PID1: variants seen among roughly 807,000 people sequenced by gnomAD.
The protein encoded by PID1 is phosphotyrosine interaction domain containing 1, also known as PTB-containing, cubilin and LRP1-interacting protein.
Under a neutral mutation model 19.1 loss-of-function variants are expected in PID1, and 10 were observed. The ratio of observed to expected loss-of-function variants is 0.52; its 90% CI spans 0.32 to 0.89. PID1 has a LOEUF of 0.89. PID1 is among the 40% of genes least tolerant of loss of function. The pLI is 0.03. For synonymous variants in PID1, 130 were observed against 116.0 expected (o/e 1.12, Z -0.78); for missense variants, 248 against 285.3 (o/e 0.87, Z 0.94).
At chr2:229,262,723 G>C in intron 1 of PID1, 1 of 1,551,494 alleles carries the variant, frequency 6.4e-7, no homozygotes. Flanking sequence ...AGGTTGGCAG[G>C]GCCACACACC....
chr2:229,189,088 G>A (rs142884090), intron 1 of PID1, among the ~76,000 whole-genome samples: 63 of 152,236 alleles, frequency 4.1e-4, no homozygotes, highest in African/African-American at 1.4e-3. Flanking sequence ...AGTTCTCTTC[G>A]TGTCTATTAA....
At chr2:229,153,825 C>A (rs541253378) in intron 2 of PID1, among the ~76,000 whole-genome samples, 1 of 152,212 alleles carries the variant, frequency 6.6e-6, no homozygotes, top group South Asian at 2.1e-4. Flanking sequence ...TTGCCCTTCC[C>A]GTTTTAAACA....
At chr2:229,163,816 T>C (rs527278723) in intron 1 of PID1, among the ~76,000 whole-genome samples, 75 of 152,348 alleles carry the variant, frequency 4.9e-4, no homozygotes, top group African/African-American at 1.8e-3. Flanking sequence ...TTTTGCTATA[T>C]GTAAACAGTT....
At chr2:229,265,431 G>C (rs936899647) in intron 1 of PID1, among the ~76,000 whole-genome samples, 9 of 152,240 alleles carry the variant, frequency 5.9e-5, no homozygotes, top group African/African-American at 1.9e-4. Context: ...GGCCTCAAGG[G>C]TTGGACCTGG....
At chr2:229,117,946 T>A (rs888787425) in intron 2 of PID1, among the ~76,000 whole-genome samples, 52 of 152,134 alleles carry the variant, frequency 3.4e-4, no homozygotes, top group African/African-American at 1.3e-3. Context: ...CAATCATTTA[T>A]CCTCATTGCA....
At chr2:229,054,704 G>T in intron 2 of PID1, among the ~76,000 whole-genome samples, 1 of 24,322 alleles carries the variant, frequency 4.1e-5, no homozygotes, top group Non-Finnish European at 8.3e-5. Context: ...CAGTAATGCA[G>T]TGTGTGTGTG....
chr2:229,246,727 G>C (rs891018083), intron 1 of PID1, among the ~76,000 whole-genome samples: 2 of 152,206 alleles, frequency 1.3e-5, no homozygotes, highest in Non-Finnish European at 2.9e-5. Flanking sequence ...TTCAACTGAA[G>C]CAAAATGTCT....
At chr2:229,077,024 C>T (rs543761692) in intron 2 of PID1, among the ~76,000 whole-genome samples, 9 of 152,294 alleles carry the variant, frequency 5.9e-5, no homozygotes, top group Non-Finnish European at 1.0e-4. Flanking sequence ...AGTGTAAAAG[C>T]ATTGCTATTT....
chr2:229,148,306 G>A (rs769179343), intron 2 of PID1, among the ~76,000 whole-genome samples: 11 of 152,152 alleles, frequency 7.2e-5, no homozygotes, highest in South Asian at 2.1e-4. Context: ...ATCCTTCCGC[G>A]CTAGGTACAC....
At chr2:229,075,079 T>C (rs1388036587) in intron 2 of PID1, among the ~76,000 whole-genome samples, 1 of 152,214 alleles carries the variant, frequency 6.6e-6, no homozygotes, top group Non-Finnish European at 1.5e-5. Flanking sequence ...TAGCCTACCA[T>C]AAATGTGCTC....
At chr2:229,227,932 A>G (rs1456522844) in intron 1 of PID1, 2 of 455,678 alleles carry the variant, frequency 4.4e-6, no homozygotes, top group East Asian at 1.4e-4. Context: ...CATCAGTTGT[A>G]TGCAAATACC....
chr2:229,052,904 A>C (rs1694024608), intron 2 of PID1, among the ~76,000 whole-genome samples: 1 of 152,222 alleles, frequency 6.6e-6, no homozygotes, highest in Non-Finnish European at 1.5e-5. Flanking sequence ...GAATTTTTTA[A>C]ATAAAAAGCT....
intron 1 of PID1, among the ~76,000 whole-genome samples, chr2:229,157,345 G>T (rs549444317): frequency 5.9e-5 from 9 of 151,328 alleles, no homozygotes; most frequent in Non-Finnish European, 1.2e-4. Flanking sequence ...CAGGAGAATC[G>T]CTTGAACCTG....
chr2:229,239,857 A>G (rs1271808598), intron 1 of PID1, among the ~76,000 whole-genome samples: 1 of 152,166 alleles, frequency 6.6e-6, no homozygotes, highest in Non-Finnish European at 1.5e-5. Flanking sequence ...AGTACACATA[A>G]ATACTCACAA....
intron 2 of PID1, among the ~76,000 whole-genome samples, chr2:229,039,792 T>C (rs1041977259): frequency 6.6e-6 from 1 of 152,198 alleles, no homozygotes; most frequent in Non-Finnish European, 1.5e-5. Flanking sequence ...ACTCATATAT[T>C]GATGGTTGGA....
At chr2:229,083,928 T>C (rs1694715116) in intron 2 of PID1, among the ~76,000 whole-genome samples, 1 of 152,230 alleles carries the variant, frequency 6.6e-6, no homozygotes, top group South Asian at 2.1e-4. Flanking sequence ...AGGAGTTCAA[T>C]GGCTCCCAGA....
At chr2:229,053,570 C>G (rs1459558262) in intron 2 of PID1, among the ~76,000 whole-genome samples, 1 of 152,178 alleles carries the variant, frequency 6.6e-6, no homozygotes, top group Admixed American at 6.5e-5. Flanking sequence ...CAAGGAAGGT[C>G]TCCCCCAGCA....
intron 1 of PID1, among the ~76,000 whole-genome samples, chr2:229,178,385 C>A (rs951196099): frequency 1.3e-5 from 2 of 151,996 alleles, no homozygotes; most frequent in African/African-American, 4.8e-5. Context: ...AAAACCTCCC[C>A]GTAAGCTCAT....
intron 2 of PID1, among the ~76,000 whole-genome samples, chr2:229,052,547 G>A (rs548696832): frequency 9.4e-6 from 1 of 106,784 alleles, no homozygotes; most frequent in Admixed American, 9.8e-5. Flanking sequence ...GGCTTAGAGA[G>A]CTTTTTTTTT....
Sources: gnomAD v4.1 joint callset for allele counts (sites outside exome capture counted in the v4.1 genomes callset) on GRCh38, gnomAD v4.1.1 for gene constraint, MANE v1.5 for transcripts, NCBI Gene and HGNC (gene_info 2026-07-23, HGNC 2026-07-21) for gene names.